The following MGAT4C variants were observed in gnomAD, a reference collection of about 807,000 sequenced individuals.
The protein encoded by MGAT4C is alpha-1,3-mannosyl-glycoprotein 4-beta-N-acetylglucosaminyltransferase C.
MGAT4C carries 19 observed loss-of-function variants against 40.1 expected under a neutral mutation model. That is an observed-to-expected ratio of 0.47 (90% CI 0.33 to 0.70). The LOEUF (loss-of-function observed/expected upper bound fraction) is 0.70. Ranked by LOEUF, MGAT4C falls within the 30% of genes least tolerant of loss-of-function variation. The pLI is 0.02. For synonymous variants in MGAT4C, 181 were observed against 187.1 expected (o/e 0.97, Z 0.27); for missense variants, 491 against 563.2 (o/e 0.87, Z 1.30).
At chr12:86,352,379 T>C (rs1208974039) in intron 3 of MGAT4C, among the ~76,000 whole-genome samples, 1 of 152,080 alleles carries the variant, frequency 6.6e-6, no homozygotes, top group Non-Finnish European at 1.5e-5. Context: ...ACTGTTACAA[T>C]AAAGCACAGT....
chr12:86,445,159 C>A (rs534217669), intron 2 of MGAT4C, among the ~76,000 whole-genome samples: 1 of 152,098 alleles, frequency 6.6e-6, no homozygotes, highest in Non-Finnish European at 1.5e-5. Context: ...TCAAATCTCA[C>A]ACTTTAAATA....
chr12:86,768,348 C>T (rs1466976794), intron 1 of MGAT4C, among the ~76,000 whole-genome samples: 1 of 152,146 alleles, frequency 6.6e-6, no homozygotes, highest in Non-Finnish European at 1.5e-5. Flanking sequence ...CAACAAACCA[C>T]TGCTCAATGA....
chr12:86,603,614 A>G (rs1334366398), intron 2 of MGAT4C, among the ~76,000 whole-genome samples: 1 of 125,026 alleles, frequency 8.0e-6, no homozygotes, highest in African/African-American at 3.1e-5. Flanking sequence ...TAGATAATAT[A>G]TATTATATAG....
At chr12:86,325,806 G>C (rs1954512487) in intron 4 of MGAT4C, among the ~76,000 whole-genome samples, 1 of 152,124 alleles carries the variant, frequency 6.6e-6, no homozygotes, top group South Asian at 2.1e-4. Context: ...GAGCCCAGGA[G>C]GTCGAGGCTG....
intron 4 of MGAT4C, among the ~76,000 whole-genome samples, chr12:86,328,974 G>T (rs1954589297): frequency 6.6e-6 from 1 of 151,742 alleles, no homozygotes; most frequent in South Asian, 2.1e-4. Flanking sequence ...GTGGTGGTGG[G>T]TGCCTGTAAT....
rs144452319 is a variant in MGAT4C, at chr12:86,581,218, A to G, written c.-228-145953T>C. On this transcript the variant is annotated intron_variant, in intron 2 of 7. Coordinates refer to the MGAT4C transcript ENST00000548651. ...AAGTACAGTGATGTTGAGATTTTCT[A>G]TAACAGAGACTAATGTCTAGCCACT... Among the ~76,000 whole-genome samples, 9 of 151,560 alleles carry G rather than the reference A, an allele frequency of 5.9e-5. No homozygotes were observed. The East Asian group carries it at 1.7e-3, about 29-fold the overall frequency.
chr12:86,613,755 A>G (rs1353928935), intron 2 of MGAT4C, among the ~76,000 whole-genome samples: 2 of 152,176 alleles, frequency 1.3e-5, no homozygotes, highest in African/African-American at 4.8e-5. Flanking sequence ...TTTAGGTTCA[A>G]TATATACCAT....
At chr12:86,213,618 T>A (rs1296298533) in intron 1 of MGAT4C, among the ~76,000 whole-genome samples, 1 of 151,890 alleles carries the variant, frequency 6.6e-6, no homozygotes, top group Non-Finnish European at 1.5e-5. Context: ...ACCAATTATT[T>A]AAAAAAAACA....
chr12:86,799,746 G>A (rs1164541774), intron 1 of MGAT4C, among the ~76,000 whole-genome samples: 1 of 151,606 alleles, frequency 6.6e-6, no homozygotes, highest in African/African-American at 2.4e-5. Flanking sequence ...GTGGATTGCG[G>A]GTAGTGTTAA....
chr12:86,381,785 T>A (rs1252254030), intron 3 of MGAT4C, among the ~76,000 whole-genome samples: 1 of 152,180 alleles, frequency 6.6e-6, no homozygotes. Context: ...GGGAGGGACC[T>A]GGTGGGAGGT....
chr12:86,382,583 G>T (rs1592768419), intron 3 of MGAT4C, among the ~76,000 whole-genome samples: 1 of 152,306 alleles, frequency 6.6e-6, no homozygotes, highest in Non-Finnish European at 1.5e-5. Context: ...TGTCTCCAGG[G>T]CATGTCAGAG....
intron 3 of MGAT4C, among the ~76,000 whole-genome samples, chr12:86,378,380 A>G (rs1477348489): frequency 1.3e-5 from 2 of 152,108 alleles, no homozygotes; most frequent in African/African-American, 2.4e-5. Flanking sequence ...TAAGGATGTG[A>G]TTTTTCGTTT....
chr12:86,604,037 A>G (rs769840113), intron 2 of MGAT4C, among the ~76,000 whole-genome samples: 9 of 151,914 alleles, frequency 5.9e-5, no homozygotes, highest in African/African-American at 1.5e-4. Context: ...TTAAACCTCA[A>G]TAAAGCTGAG....
chr12:86,564,269 T>C (rs1397149188), intron 2 of MGAT4C, among the ~76,000 whole-genome samples: 3 of 152,146 alleles, frequency 2.0e-5, no homozygotes, highest in Admixed American at 6.5e-5. Flanking sequence ...TTTTCTGGTA[T>C]GCAACCATTG....
chr12:86,140,083 G>A (rs1474312516), intron 1 of MGAT4C, among the ~76,000 whole-genome samples: 1 of 151,844 alleles, frequency 6.6e-6, no homozygotes, highest in Non-Finnish European at 1.5e-5. Context: ...GTCTATACTG[G>A]CCTTAAATTT....
intron 2 of MGAT4C, among the ~76,000 whole-genome samples, chr12:86,698,594 T>C (rs1950301022): frequency 6.6e-6 from 1 of 152,120 alleles, no homozygotes; most frequent in Non-Finnish European, 1.5e-5. Flanking sequence ...ACTTTAAATA[T>C]GCTTTTTGGA....
intron 3 of MGAT4C, among the ~76,000 whole-genome samples, chr12:85,986,484 G>T (rs1426893428): frequency 6.6e-6 from 1 of 152,116 alleles, no homozygotes; most frequent in African/African-American, 2.4e-5. Context: ...TCACTTAAAG[G>T]CACATATATC....
At chr12:86,369,396 AT>A (rs1489083429) in intron 3 of MGAT4C, among the ~76,000 whole-genome samples, 1 of 150,598 alleles carries the variant, frequency 6.6e-6, no homozygotes, top group African/African-American at 2.4e-5. Flanking sequence ...TCTTTTTGTA[AT>A]TTTTTCCTCT....
intron 3 of MGAT4C, among the ~76,000 whole-genome samples, chr12:86,404,887 A>G (rs1956434463): frequency 6.6e-6 from 1 of 152,124 alleles, no homozygotes; most frequent in Non-Finnish European, 1.5e-5. Flanking sequence ...AGTTACAAAT[A>G]TAATGTGTAA....
Sources: gnomAD v4.1 joint callset for allele counts (sites outside exome capture counted in the v4.1 genomes callset) on GRCh38, gnomAD v4.1.1 for gene constraint, MANE v1.5 for transcripts, NCBI Gene and HGNC (gene_info 2026-07-23, HGNC 2026-07-21) for gene names.